SCAPER: variants seen among roughly 807,000 people sequenced by gnomAD.
SCAPER encodes S phase cyclin A-associated protein in the endoplasmic reticulum.
A neutral mutation model predicts 182.2 loss-of-function variants in SCAPER; 98 were observed. That is an observed-to-expected ratio of 0.54 (90% CI 0.46 to 0.64). The LOEUF (loss-of-function observed/expected upper bound fraction) is 0.64, where lower values mean the gene tolerates loss of function less well. Among genes scored for constraint, SCAPER ranks in the 30% least tolerant of loss-of-function variants. SCAPER has a pLI of 0.00. For missense variants in SCAPER, 1,432 were observed against 1,690.0 expected (o/e 0.85, Z 2.68); for synonymous variants, 605 against 564.6 (o/e 1.07, Z -1.01).
intron 3 of SCAPER, among the ~76,000 whole-genome samples, chr15:76,860,000 G>A (rs939664000): frequency 6.6e-6 from 1 of 152,210 alleles, no homozygotes; most frequent in Non-Finnish European, 1.5e-5. Context: ...ACAGACGTGA[G>A]CCACTGCGCC....
At chr15:76,857,594 A>G (rs1227539507) in intron 4 of SCAPER, among the ~76,000 whole-genome samples, 2 of 152,184 alleles carry the variant, frequency 1.3e-5, no homozygotes, top group Non-Finnish European at 2.9e-5. Context: ...GCTTACATCG[A>G]AGGGTACGAG....
chr15:76,423,952 A>C (rs1272490644), intron 26 of SCAPER, among the ~76,000 whole-genome samples: 1 of 152,154 alleles, frequency 6.6e-6, no homozygotes, highest in Non-Finnish European at 1.5e-5. Flanking sequence ...CTTAATCCTG[A>C]GTTCTAGTTT....
chr15:76,799,375 C>T (rs1160369089), intron 7 of SCAPER, among the ~76,000 whole-genome samples: 3 of 148,292 alleles, frequency 2.0e-5, no homozygotes, highest in African/African-American at 5.0e-5. Context: ...AACCTCCACC[C>T]GCCCCCGCCC....
intron 21 of SCAPER, among the ~76,000 whole-genome samples, chr15:76,629,312 A>G (rs532251707): frequency 5.3e-5 from 8 of 152,360 alleles, no homozygotes; most frequent in Non-Finnish European, 1.0e-4. Flanking sequence ...AGGAGTGGTG[A>G]GAGAAGCCAT....
At chr15:76,733,772 G>A (rs1265906922) in intron 15 of SCAPER, among the ~76,000 whole-genome samples, 2 of 150,742 alleles carry the variant, frequency 1.3e-5, no homozygotes, top group African/African-American at 4.9e-5. Context: ...AAGAAAGAAA[G>A]AAAGAAATCT....
Position 76,899,944 on chromosome 15 carries a change from G to T in SCAPER, c.-60+5355C>A, listed in dbSNP as rs556798707. Among the ~76,000 whole-genome samples the T allele has an allele frequency of 2.2e-4, 33 of 152,342 alleles. No homozygotes were observed. In the South Asian group the frequency reaches 5.0e-3, roughly 23 times the overall value. On this transcript the variant is annotated intron_variant, in intron 1 of 31. Transcript: ENST00000563290. ...AAAAGAAAGATCAGATTGTTACTGT[G>T]TCTGTGTAGAAAGAAGTAGACATAG...
At chr15:76,839,333 A>G (rs1025735435) in intron 5 of SCAPER, among the ~76,000 whole-genome samples, 2 of 152,234 alleles carry the variant, frequency 1.3e-5, no homozygotes, top group Non-Finnish European at 1.5e-5. Context: ...TTAACAAAAC[A>G]ATGGCTGAAT....
At chr15:76,712,014 T>A (rs1474788967) in intron 17 of SCAPER, among the ~76,000 whole-genome samples, 1 of 152,218 alleles carries the variant, frequency 6.6e-6, no homozygotes, top group African/African-American at 2.4e-5. Context: ...TCCTTGCCCA[T>A]GCCTATGTCC....
intron 2 of SCAPER, among the ~76,000 whole-genome samples, chr15:76,863,935 G>A (rs1332083850): frequency 6.6e-6 from 1 of 152,116 alleles, no homozygotes; most frequent in Admixed American, 6.5e-5. Context: ...GCAGCACTCT[G>A]GTTGACAGGC....
intron 22 of SCAPER, among the ~76,000 whole-genome samples, chr15:76,588,784 T>C (rs1369738000): frequency 6.6e-6 from 1 of 152,202 alleles, no homozygotes; most frequent in Non-Finnish European, 1.5e-5. Context: ...GTGTGGTGGC[T>C]AGTGTGATTT....
intron 8 of SCAPER, among the ~76,000 whole-genome samples, chr15:76,776,339 C>G (rs2063743530): frequency 6.6e-6 from 1 of 152,086 alleles, no homozygotes. Context: ...ACCCCTGTTC[C>G]CCATGGTTTC....
At chr15:76,382,361 CTTTTA>C (rs2043000026) in intron 27 of SCAPER, among the ~76,000 whole-genome samples, 1 of 126,576 alleles carries the variant, frequency 7.9e-6, no homozygotes, top group Non-Finnish European at 1.7e-5. Context: ...TTATTTTTTT[CTTTTA>C]TTTTTTTTTT....
chr15:76,521,641 A>C (rs568597103), intron 23 of SCAPER, among the ~76,000 whole-genome samples: 26 of 152,234 alleles, frequency 1.7e-4, no homozygotes, highest in Non-Finnish European at 3.5e-4. Context: ...GCTGTTAACA[A>C]TATTAACAAA....
intron 2 of SCAPER, among the ~76,000 whole-genome samples, chr15:76,881,393 G>T (rs986147458): frequency 1.3e-5 from 2 of 152,216 alleles, no homozygotes; most frequent in Admixed American, 1.3e-4. Flanking sequence ...ATTGCGTCTG[G>T]CCTGAAAACA....
At chr15:76,678,704 G>A (rs2057510457) in intron 20 of SCAPER, among the ~76,000 whole-genome samples, 1 of 92,156 alleles carries the variant, frequency 1.1e-5, no homozygotes, top group Non-Finnish European at 2.4e-5. Flanking sequence ...ACAAGACAGA[G>A]AAACAGATAA....
At chr15:76,673,789 C>T (rs969269962) in intron 20 of SCAPER, among the ~76,000 whole-genome samples, 18 of 151,976 alleles carry the variant, frequency 1.2e-4, no homozygotes, top group Non-Finnish European at 1.9e-4. Context: ...GGTAGCAAGG[C>T]AACTATCAAA....
At chr15:76,760,159 C>T (rs2062689919) in intron 14 of SCAPER, among the ~76,000 whole-genome samples, 2 of 152,172 alleles carry the variant, frequency 1.3e-5, no homozygotes, top group African/African-American at 4.8e-5. Context: ...CCTGGTCCCG[C>T]AGATTAGGGG....
intron 26 of SCAPER, among the ~76,000 whole-genome samples, chr15:76,424,483 C>T (rs1462311966): frequency 2.6e-5 from 4 of 152,298 alleles, no homozygotes; most frequent in Middle Eastern, 3.4e-3. Context: ...AGACTTCCCT[C>T]CATCCCTTTA....
intron 23 of SCAPER, among the ~76,000 whole-genome samples, chr15:76,528,775 T>A (rs1364907324): frequency 6.6e-6 from 1 of 152,218 alleles, no homozygotes; most frequent in Non-Finnish European, 1.5e-5. Flanking sequence ...CTTCCTTCAG[T>A]GGCTCTCACT....
Sources: gnomAD v4.1 joint callset for allele counts (sites outside exome capture counted in the v4.1 genomes callset) on GRCh38, gnomAD v4.1.1 for gene constraint, MANE v1.5 for transcripts, NCBI Gene and HGNC (gene_info 2026-07-23, HGNC 2026-07-21) for gene names.